RBMS3: variants seen among roughly 807,000 people sequenced by gnomAD.
The protein encoded by RBMS3 is RNA binding motif single stranded interacting protein 3.
RBMS3 carries 27 observed loss-of-function variants against 66.8 expected under a neutral mutation model. The ratio of observed to expected loss-of-function variants is 0.40; its 90% confidence interval spans 0.30 to 0.56. The LOEUF is 0.56. Among genes scored for constraint, RBMS3 ranks in the 20% least tolerant of loss-of-function variants. The pLI is 0.40. For missense variants in RBMS3, 513 were observed against 549.5 expected (o/e 0.93, Z 0.66); for synonymous variants, 188 against 183.0 (o/e 1.03, Z -0.22).
intron 6 of RBMS3, among the ~76,000 whole-genome samples, chr3:29,843,189 G>A (rs1179846121): frequency 6.6e-6 from 1 of 152,146 alleles, no homozygotes; most frequent in African/African-American, 2.4e-5. Flanking sequence ...AATGTATATT[G>A]TGAACTTCTA....
chr3:29,541,212 G>A (rs901900141), intron 3 of RBMS3, among the ~76,000 whole-genome samples: 12 of 152,004 alleles, frequency 7.9e-5, no homozygotes, highest in African/African-American at 1.9e-4. Context: ...AAATGTATTC[G>A]GAGCTCAGAC....
At chr3:29,537,230 T>C (rs2045590681) in intron 3 of RBMS3, among the ~76,000 whole-genome samples, 1 of 152,222 alleles carries the variant, frequency 6.6e-6, no homozygotes. Flanking sequence ...TATTGGCACA[T>C]TTTCATTAGT....
chr3:29,573,587 ATTTCT>A (rs2149070831), intron 3 of RBMS3, among the ~76,000 whole-genome samples: 1 of 151,582 alleles, frequency 6.6e-6, no homozygotes, highest in Non-Finnish European at 1.5e-5. Context: ...TCTGATCCTG[ATTTCT>A]TTTCTTCTAA....
Position 29,503,908 on chromosome 3 carries a change from A to G in RBMS3, c.307+15409A>G, listed in dbSNP as rs2044078078. Reference sequence around the variant, plus strand: ...CCAGAATTTTTGAATTTTGGGGAGAAGCTATGGGGAAAAAATGTAAAGGCT... The same window carrying G: ...CCAGAATTTTTGAATTTTGGGGAGAGGCTATGGGGAAAAAATGTAAAGGCT... On this transcript the variant is annotated intron_variant, in intron 3 of 14. Transcript: ENST00000383767. Among the ~76,000 whole-genome samples, 4 of 152,202 alleles carry G rather than the reference A, an allele frequency of 2.6e-5. No homozygotes were observed. In the South Asian group the frequency reaches 8.3e-4, roughly 32 times the overall value.
chr3:29,628,808 A>G (rs930418366), intron 4 of RBMS3, among the ~76,000 whole-genome samples: 17 of 152,244 alleles, frequency 1.1e-4, no homozygotes, highest in African/African-American at 3.6e-4. Flanking sequence ...GTGTGCTCAT[A>G]AAAAGGAAAG....
intron 6 of RBMS3, among the ~76,000 whole-genome samples, chr3:29,802,900 A>C (rs1214652416): frequency 3.3e-5 from 5 of 152,156 alleles, no homozygotes; most frequent in Non-Finnish European, 7.3e-5. Context: ...TCTGCCCTTA[A>C]GATGCAGCAC....
chr3:29,295,686 A>G (rs2033213988), intron 1 of RBMS3, among the ~76,000 whole-genome samples: 1 of 151,534 alleles, frequency 6.6e-6, no homozygotes, highest in Non-Finnish European at 1.5e-5. Context: ...GTTTTTAGAT[A>G]TTTCTGGTTT....
chr3:29,301,957 G>A (rs568015269), intron 1 of RBMS3, among the ~76,000 whole-genome samples: 82 of 151,954 alleles, frequency 5.4e-4, no homozygotes, highest in African/African-American at 1.5e-3. Flanking sequence ...TTCACGTAAC[G>A]CTTTTTCACA....
chr3:29,447,402 A>G (rs1298905307), intron 2 of RBMS3, among the ~76,000 whole-genome samples: 6 of 152,146 alleles, frequency 3.9e-5, no homozygotes, highest in Non-Finnish European at 7.4e-5. Context: ...AGAGAGCTTG[A>G]TATTTCTATT....
chr3:29,590,902 C>A (rs1531230), intron 4 of RBMS3, among the ~76,000 whole-genome samples: 2,153 of 152,156 alleles, frequency 0.014, 46 homozygotes, highest in African/African-American at 0.049. Context: ...AAGATGGCTT[C>A]TAAAGTTCCA....
rs558354850 is a variant in RBMS3, at chr3:29,578,847, TGC to T, written c.308-8265_308-8264del. Among the ~76,000 whole-genome samples the T allele has an allele frequency of 2.9e-5, 4 of 138,270 alleles. No homozygotes were observed. In the East Asian group the frequency reaches 7.4e-4, roughly 26 times the overall value. The allele number at this position is 138,270 out of a possible 152,430, so 90.7% of individuals were successfully genotyped here. A position where few individuals can be genotyped will look rare whatever the true frequency, so the allele number is the denominator to read the frequency against. On this transcript the variant is annotated intron_variant, in intron 3 of 14. Transcript: ENST00000383767. ...TCTCGCTCTGTCGCCCAGGTCGGAC[TGC>T]GGACTGCAGTGGCGCAATCTCGGCT...
chr3:29,973,364 G>T (rs183978088), intron 12 of RBMS3, among the ~76,000 whole-genome samples: 1 of 152,000 alleles, frequency 6.6e-6, no homozygotes, highest in East Asian at 1.9e-4. Context: ...GGGTACTATG[G>T]TGAATGTAAT....
intron 7 of RBMS3, among the ~76,000 whole-genome samples, chr3:29,879,300 T>G (rs2059683581): frequency 1.3e-5 from 2 of 152,200 alleles, no homozygotes; most frequent in Admixed American, 6.5e-5. Context: ...TTTACTTCAG[T>G]AGCAGTACCT....
At chr3:29,546,950 A>T (rs1423100864) in intron 3 of RBMS3, among the ~76,000 whole-genome samples, 2 of 152,080 alleles carry the variant, frequency 1.3e-5, no homozygotes, top group Non-Finnish European at 2.9e-5. Flanking sequence ...TTAGACCTCA[A>T]TATTTTATTA....
At chr3:29,365,630 C>T (rs998182902) in intron 1 of RBMS3, among the ~76,000 whole-genome samples, 27 of 152,256 alleles carry the variant, frequency 1.8e-4, no homozygotes, top group African/African-American at 6.3e-4. Flanking sequence ...AAAAGATCAC[C>T]TTTGCTCTCT....
At chr3:29,913,530 T>G (rs892963727) in intron 10 of RBMS3, among the ~76,000 whole-genome samples, 1 of 151,956 alleles carries the variant, frequency 6.6e-6, no homozygotes, top group African/African-American at 2.4e-5. Flanking sequence ...CTGAGAAAAC[T>G]GAAAGCAAAT....
At position 29,434,680 on chromosome 3, in the gene RBMS3, G is replaced by A. The variant is rs1422816542; in HGVS notation, c.76-63G>A. The A allele has an allele frequency of 5.1e-6, 8 of 1,556,648 alleles. No individual in the cohort carries two copies. In the South Asian group the frequency reaches 8.7e-5, roughly 17 times the overall value. On this transcript the variant is annotated intron_variant, in intron 1 of 14. Transcript: ENST00000383767. ...ATAGCTTACATTGATTTCAAGTTGT[G>A]CTGCTGGCCTGTGAATAGGTGCTGG...
At chr3:29,729,003 C>T (rs1371616794) in intron 4 of RBMS3, among the ~76,000 whole-genome samples, 4 of 151,910 alleles carry the variant, frequency 2.6e-5, no homozygotes, top group Non-Finnish European at 5.9e-5. Flanking sequence ...TTTTATTATA[C>T]TTTAAGTTCT....
rs952275425 is a variant in RBMS3 at position 29,695,375 on chromosome 3, A to G, written c.400-44345A>G. 2.0e-5 allele frequency among the ~76,000 whole-genome samples: 3 copies of G among 152,186 alleles called. No individual in the cohort carries two copies. The South Asian group carries it at 6.2e-4, about 32-fold the overall frequency. ...AGAATATGGACAATTGGTTGGAGACATGGTAGGCATTCCACAAATGTAAGC... is the reference window on the plus strand; with the variant it reads ...AGAATATGGACAATTGGTTGGAGACGTGGTAGGCATTCCACAAATGTAAGC... On this transcript the variant is annotated intron_variant, in intron 4 of 14. Coordinates refer to ENST00000383767, the MANE Select transcript of RBMS3 (RefSeq NM_001003793.3).
Sources: allele counts gnomAD v4.1 joint callset (sites outside exome capture counted in the v4.1 genomes callset), GRCh38; gene constraint gnomAD v4.1.1; transcripts MANE v1.5; gene names NCBI Gene and HGNC (gene_info 2026-07-23, HGNC 2026-07-21).